Variants in UBLCP1 observed in about 807,000 individuals in gnomAD.
The protein encoded by UBLCP1 is ubiquitin-like domain-containing CTD phosphatase 1.
A neutral mutation model predicts 42.4 loss-of-function variants in UBLCP1; 28 were observed. The observed-to-expected ratio is 0.66, with a 90% CI of 0.49 to 0.90. The LOEUF is 0.90. Ranked by LOEUF, UBLCP1 falls within the 40% of genes least tolerant of loss-of-function variation. The pLI is 0.00. For synonymous variants in UBLCP1, 122 were observed against 120.8 expected, an observed-to-expected ratio of 1.01 and a Z score of -0.07; for missense variants, 279 against 374.5, an observed-to-expected ratio of 0.75 and a Z score of 2.10.
In UBLCP1 at chr5:159,285,196, CCACACACACACA is replaced by C. The variant is rs70987962; in HGVS notation, c.*302_*313del. The C allele has an allele frequency of 0.059, 14,927 of 251,904 alleles. 820 individuals carry two copies. Among genetic ancestry groups the C allele is most frequent in the Admixed American group, 0.1 (1,590 of 15,740 alleles). 15.6% of individuals were successfully genotyped at this position (251,904 alleles called of 1,614,324 possible). On this transcript the variant is annotated 3_prime_UTR_variant, in exon 11 of 11. Transcript: ENST00000296786. ...GGTTACTGACCACCCCACCCTCCCA[CCACACACACACA>C]CACACACACACACACACACACACAC... is the stretch of plus-strand genomic sequence containing the variant.
In UBLCP1 at chr5:159,283,305, G is replaced by T; in HGVS notation, c.895G>T (p.Asp299Tyr). The change falls in exon 10 of 11, where the codon GAC (aspartate) becomes TAC (tyrosine). Residue 299 changes from aspartate (D) to tyrosine (Y), a missense_variant. Physicochemically the swap from Asp to Tyr is radical, Grantham distance 160. Coordinates refer to ENST00000296786, the MANE Select transcript of UBLCP1 (RefSeq NM_145049.5). Reference sequence around the variant, plus strand: ...CCTCAAGGAGATAGCAAAATTAGATGACTTTTTGGATCTAAATCACAAATA... The same window carrying T: ...CCTCAAGGAGATAGCAAAATTAGATTACTTTTTGGATCTAAATCACAAATA... ...QYLKEIAKLD[D>Y]FLDLNHKYWE... is the part of the protein sequence containing the mutation. The T allele has an allele frequency of 1.3e-6, 2 of 1,599,918 alleles. No homozygotes were observed. Among genetic ancestry groups the T allele is most frequent in the South Asian group, 2.3e-5 (2 of 87,310 alleles).
At chr5:159,284,093 T>C (rs1316265448) in intron 10 of UBLCP1, among the ~76,000 whole-genome samples, 1 of 152,172 alleles carries the variant, frequency 6.6e-6, no homozygotes, top group Non-Finnish European at 1.5e-5. Flanking sequence ...ACTTTTGACT[T>C]TTCAGATCAG....
In UBLCP1 at chr5:159,285,196, C is replaced by CACACACACA. The variant is rs1753658186; in HGVS notation, c.*265_*266insACACACACA. On this transcript the variant is annotated 3_prime_UTR_variant, in exon 11 of 11. Transcript: ENST00000296786. ...GGTTACTGACCACCCCACCCTCCCACCACACACACACACACACACACACAC... is the reference window on the plus strand; with the variant it reads ...GGTTACTGACCACCCCACCCTCCCACACACACACACACACACACACACACACACACACAC... The CACACACACA allele has an allele frequency of 4.0e-6, 1 of 251,432 alleles. No individual in the cohort carries two copies. The highest frequency in any genetic ancestry group is 3.3e-5 in the African/African-American group (1 of 30,668). The allele number at this position is 251,432 out of a possible 1,614,324, so 15.6% of individuals were successfully genotyped here.
intron 1 of UBLCP1, among the ~76,000 whole-genome samples, chr5:159,263,615 C>T (rs940908236): frequency 1.3e-5 from 2 of 152,204 alleles, no homozygotes. Flanking sequence ...CTTCATTCCT[C>T]CGTCTTCTCA....
chr5:159,271,346 GCTA>G (rs1437651128), intron 5 of UBLCP1, among the ~76,000 whole-genome samples: 5 of 152,022 alleles, frequency 3.3e-5, no homozygotes, highest in Non-Finnish European at 7.4e-5. Flanking sequence ...CCTAGTCCCA[GCTA>G]CTTTAGGAGG....
chr5:159,283,123 C>A, intron 9 of UBLCP1, 89 bp from the exon 10 acceptor site: 1 of 1,299,838 alleles, frequency 7.7e-7, no homozygotes. Flanking sequence ...ATATTTTAAC[C>A]TCATTAACTC....
At chr5:159,275,766 G>C (rs1403807608) in intron 8 of UBLCP1, among the ~76,000 whole-genome samples, 1 of 152,182 alleles carries the variant, frequency 6.6e-6, no homozygotes, top group Non-Finnish European at 1.5e-5. Context: ...AAGTAGGACT[G>C]TCAAGAAAGG....
chr5:159,272,171 A>G (rs770576801), intron 6 of UBLCP1, 50 bp downstream of exon 6: 5 of 1,417,348 alleles, frequency 3.5e-6, no homozygotes, highest in South Asian at 2.3e-5. Context: ...GTTGTTCCAT[A>G]TATTATTGTG....
chr5:159,283,851 G>A (rs1379229702), intron 10 of UBLCP1, among the ~76,000 whole-genome samples: 3 of 152,050 alleles, frequency 2.0e-5, no homozygotes, highest in East Asian at 3.8e-4. Context: ...TACCATCTTG[G>A]TATATAGTCT....
At chr5:159,277,365 CTATT>C (rs1434267979) in intron 8 of UBLCP1, among the ~76,000 whole-genome samples, 5 of 152,092 alleles carry the variant, frequency 3.3e-5, no homozygotes, top group Non-Finnish European at 5.9e-5. Context: ...ACTTTTATCA[CTATT>C]TATTTCTTAC....
At chr5:159,274,482 C>A in intron 6 of UBLCP1, 103 bp from the exon 7 acceptor site, 2 of 863,640 alleles carry the variant, frequency 2.3e-6, no homozygotes, top group South Asian at 1.7e-5. Context: ...AATTCTGATG[C>A]ATTTAAACTT....
rs1009666105 is a variant in UBLCP1, at chr5:159,285,559, C to T, written c.*628C>T. Reference sequence around the variant, plus strand: ...TCTCAGTTAGGCCTGTATGTGTGTACATGTCCAAGTAAAGCTGGAAAATGT... The same window carrying T: ...TCTCAGTTAGGCCTGTATGTGTGTATATGTCCAAGTAAAGCTGGAAAATGT... On this transcript the variant is annotated 3_prime_UTR_variant, in exon 11 of 11. Coordinates refer to ENST00000296786, the MANE Select transcript of UBLCP1 (RefSeq NM_145049.5). 2 of 152,338 alleles carry T rather than the reference C, an allele frequency of 1.3e-5. No homozygotes were observed. The highest frequency in any genetic ancestry group is 2.9e-5 in the Non-Finnish European group (2 of 68,082). The allele number at this position is 152,338 out of a possible 1,614,324, so 9.4% of individuals were successfully genotyped here.
chr5:159,282,008 G>A (rs1269864043), intron 9 of UBLCP1, among the ~76,000 whole-genome samples: 3 of 151,790 alleles, frequency 2.0e-5, no homozygotes, highest in East Asian at 1.9e-4. Flanking sequence ...TTTTTTTAAC[G>A]ATAACAGAAA....
chr5:159,263,525 C>T (rs1753330163), intron 1 of UBLCP1, among the ~76,000 whole-genome samples, 165 bp downstream of exon 1: 1 of 152,336 alleles, frequency 6.6e-6, no homozygotes, highest in East Asian at 1.9e-4. Context: ...CGCTTAGTCG[C>T]GGGGGCCGCT....
intron 1 of UBLCP1, among the ~76,000 whole-genome samples, chr5:159,263,972 G>A (rs2113306647): frequency 6.6e-6 from 1 of 152,254 alleles, no homozygotes; most frequent in Admixed American, 6.5e-5. Context: ...AACAGCTGTT[G>A]GTTCAGGATT....
chr5:159,268,865 T>C lies in UBLCP1; in HGVS notation c.-46-5T>C. The stretch of plus-strand genomic sequence containing the variant: ...TAACTTGTTCATTTTTGTCTTCCTT[T>C]CCAGGTATTTTTTTTTCTGAAGGAA... On this transcript the variant is annotated splice_polypyrimidine_tract_variant and splice_region_variant and intron_variant, in intron 1 of 10. Coordinates refer to ENST00000296786, the MANE Select transcript of UBLCP1 (RefSeq NM_145049.5). The C allele has an allele frequency of 6.3e-7, 1 of 1,575,864 alleles. No homozygotes were observed. Among genetic ancestry groups the C allele is most frequent in the Non-Finnish European group, 8.6e-7 (1 of 1,163,044 alleles).
intron 6 of UBLCP1, 68 bp from the exon 7 acceptor site, chr5:159,274,517 T>G: frequency 7.1e-7 from 1 of 1,415,420 alleles, no homozygotes; most frequent in Non-Finnish European, 9.8e-7. Context: ...AAAACTTACT[T>G]ATACAGATTT....
At chr5:159,273,469 A>G (rs1753496245) in intron 6 of UBLCP1, among the ~76,000 whole-genome samples, 1 of 152,178 alleles carries the variant, frequency 6.6e-6, no homozygotes. Context: ...AATCTTTCTG[A>G]GCCTTAGTTC....
At chr5:159,272,912 C>T (rs1044375908) in intron 6 of UBLCP1, among the ~76,000 whole-genome samples, 2 of 152,230 alleles carry the variant, frequency 1.3e-5, no homozygotes, top group Non-Finnish European at 2.9e-5. Context: ...CATTGATTTA[C>T]ATCCCTCCTC....
Sources: allele counts gnomAD v4.1 joint callset (sites outside exome capture counted in the v4.1 genomes callset), GRCh38; gene constraint gnomAD v4.1.1; transcripts MANE v1.5; gene names NCBI Gene and HGNC (gene_info 2026-07-23, HGNC 2026-07-21).